Variants in ERICH3 observed in about 807,000 individuals in gnomAD.
ERICH3 encodes the protein glutamate-rich protein 3.
In ERICH3, 126 loss-of-function variants were observed where a neutral mutation model predicts 131.1. That is an observed-to-expected ratio of 0.96 (90% CI 0.83 to 1.11). The LOEUF (loss-of-function observed/expected upper bound fraction) is 1.11, where lower values mean the gene tolerates loss of function less well. Ranked by LOEUF, ERICH3 falls within the 50% of genes most tolerant of loss-of-function variation. The pLI, the probability that ERICH3 is intolerant of heterozygous loss-of-function variation, is 0.00. For missense variants in ERICH3, 2,050 were observed against 1,810.7 expected (o/e 1.13, Z -2.40); for synonymous variants, 695 against 644.6 (o/e 1.08, Z -1.18).
At chr1:74,603,779 A>C (rs1648258506) in intron 10 of ERICH3, among the ~76,000 whole-genome samples, 1 of 151,898 alleles carries the variant, frequency 6.6e-6, no homozygotes, top group African/African-American at 2.4e-5. Flanking sequence ...AACTAAAATC[A>C]CTTTATTGAT....
In ERICH3 at chr1:74,575,112, A is replaced by G. The variant is rs968236604; in HGVS notation, c.2219-1621T>C. ...CACCAACAACCTACCAGAAGCCTGA[A>G]GTCCTGATCTTACTCACTTCTTCTC... On this transcript the variant is annotated intron_variant, in intron 13 of 14. Coordinates refer to ENST00000326665, the MANE Select transcript of ERICH3 (RefSeq NM_001002912.5). Among the ~76,000 whole-genome samples, 114 of 152,132 alleles carry G rather than the reference A, an allele frequency of 7.5e-4. 2 individuals carry two copies. The highest frequency in any genetic ancestry group is 2.1e-4 in the Non-Finnish European group (14 of 68,024).
chr1:74,641,968 T>A (rs1424589592), intron 4 of ERICH3, among the ~76,000 whole-genome samples: 1 of 152,120 alleles, frequency 6.6e-6, no homozygotes, highest in East Asian at 1.9e-4. Flanking sequence ...CTTTAGTGGG[T>A]CTGGCTACCT....
At position 74,571,663 on chromosome 1, in the gene ERICH3, C is replaced by A. The variant is rs759546243; in HGVS notation, c.4047G>T (p.Thr1349=). The change falls in exon 14 of 15, where the codon ACG becomes ACT. Residue 1349 remains threonine (T), a synonymous_variant. Transcript: ENST00000326665. The part of the protein sequence containing the change: ...AVEVLHGGGE[T]AETAAEEREV... ...CCCTCTCCTCTGCGGCTGTTTCTGC[C>A]GTTTCACCACCTCCGTGTAGAACTT... The A allele has an allele frequency of 6.2e-7, 1 of 1,614,032 alleles. No homozygotes were observed. The highest frequency in any genetic ancestry group is 8.5e-7 in the Non-Finnish European group (1 of 1,180,026).
At chr1:74,647,078 T>C (rs1646492554) in intron 2 of ERICH3, among the ~76,000 whole-genome samples, 1 of 152,048 alleles carries the variant, frequency 6.6e-6, no homozygotes, top group Non-Finnish European at 1.5e-5. Flanking sequence ...TAATGAATAT[T>C]TCATGAGGCA....
chr1:74,574,096 T>C (rs1647009729), intron 13 of ERICH3, among the ~76,000 whole-genome samples: 1 of 151,384 alleles, frequency 6.6e-6, no homozygotes, highest in Non-Finnish European at 1.5e-5. Flanking sequence ...TCTCAAGCAA[T>C]CTTCCTGCCT....
chr1:74,664,883 T>C (rs1455367151), intron 1 of ERICH3, among the ~76,000 whole-genome samples: 1 of 152,210 alleles, frequency 6.6e-6, no homozygotes, highest in Non-Finnish European at 1.5e-5. Flanking sequence ...TCTTAATTAT[T>C]TCTCCCCACT....
intron 1 of ERICH3, among the ~76,000 whole-genome samples, chr1:74,667,470 C>G (rs1044377533): frequency 2.0e-5 from 3 of 152,168 alleles, no homozygotes; most frequent in African/African-American, 7.2e-5. Flanking sequence ...TTCTCTTGGT[C>G]TGTACCAAAA....
intron 7 of ERICH3, among the ~76,000 whole-genome samples, chr1:74,627,124 TGA>T (rs1459335105): frequency 6.6e-6 from 1 of 152,170 alleles, no homozygotes; most frequent in African/African-American, 2.4e-5. Flanking sequence ...GTAAAATGTG[TGA>T]CTCTCCCCAC....
rs1647066504 is a variant in ERICH3, at chr1:74,576,885, G to C, written c.2218+10C>G. ...ACTCTAATTGGACCTCTTGCAGATG[G>C]AATACTTACCACCAAGAGCCAGGAC... On this transcript the variant is annotated intron_variant, in intron 13 of 14. Transcript: ENST00000326665. 2 of 1,594,452 alleles carry C rather than the reference G, an allele frequency of 1.3e-6. No individual in the cohort carries two copies. The highest frequency in any genetic ancestry group is 2.7e-5 in the African/African-American group (2 of 73,068).
chr1:74,586,259 G>C, intron 12 of ERICH3: 1 of 375,794 alleles, frequency 2.7e-6, no homozygotes, highest in Non-Finnish European at 3.7e-6. Context: ...ACAGTGTTAA[G>C]TGAAAAAAGC....
chr1:74,653,644 C>T (rs1646557923), intron 1 of ERICH3, among the ~76,000 whole-genome samples: 1 of 152,096 alleles, frequency 6.6e-6, no homozygotes, highest in Non-Finnish European at 1.5e-5. Context: ...TGAACAATAT[C>T]TAACTATTAC....
chr1:74,577,581 G>T (rs1647089952), intron 12 of ERICH3: 1 of 152,142 alleles, frequency 6.6e-6, no homozygotes, highest in South Asian at 2.1e-4. Context: ...CAATTTAAGT[G>T]CATTTACATT....
At chr1:74,575,073 A>AC (rs1380150775) in intron 13 of ERICH3, among the ~76,000 whole-genome samples, 8 of 151,218 alleles carry the variant, frequency 5.3e-5, no homozygotes, top group African/African-American at 1.9e-4. Flanking sequence ...TAGCCATCTT[A>AC]CCCCCAACAT....
Position 74,606,695 on chromosome 1 carries a change from G to A in ERICH3, c.1395C>T (p.Leu465=). 6.2e-7 allele frequency: 1 copy of A among 1,613,190 alleles called. No homozygotes were observed. The highest frequency in any genetic ancestry group is 1.7e-4 in the Middle Eastern group (1 of 6,060). Residue 465 remains leucine (L), a synonymous_variant, in exon 10 of 15, where the codon CTC becomes CTT. Coordinates refer to ENST00000326665, the MANE Select transcript of ERICH3 (RefSeq NM_001002912.5). ...CCTCCACAGCAGTTACCACTTCTTT[G>A]AGCCCTGTTTTTATTTCTTGAGCTG... ...KFSAQEIKTG[L]KEVVTAVEEM...
chr1:74,611,996 C>A (rs779951529), intron 9 of ERICH3, among the ~76,000 whole-genome samples: 1 of 152,128 alleles, frequency 6.6e-6, no homozygotes, highest in Admixed American at 6.5e-5. Context: ...TCTAGCTTGG[C>A]ATCTAGCCAA....
Position 74,641,459 on chromosome 1 carries a change from C to T in ERICH3, c.316G>A (p.Gly106Arg), listed in dbSNP as rs868787285. Reference sequence around the variant, plus strand: ...TCAACAGACCTTCTTGTGTGCTCTCCCTAGAATAAGAAAGCAATTTAGCAA... The same window carrying T: ...TCAACAGACCTTCTTGTGTGCTCTCTCTAGAATAAGAAAGCAATTTAGCAA... ...ARKERIQRFK[G>R]EHTRRSVENN... is the part of the protein sequence containing the mutation. The change falls in exon 5 of 15, where the codon GGA becomes AGA. Residue 106 changes from glycine to arginine, a missense_variant and splice_region_variant. By Grantham distance (125) the Gly-to-Arg change is moderately radical. Coordinates refer to ENST00000326665, the MANE Select transcript of ERICH3 (RefSeq NM_001002912.5). 1 of 1,609,472 alleles carries T rather than the reference C, an allele frequency of 6.2e-7. No homozygotes were observed. Among genetic ancestry groups the T allele is most frequent in the Admixed American group, 1.7e-5 (1 of 58,980 alleles).
chr1:74,621,062 A>G, intron 7 of ERICH3, 148 bp from the exon 8 acceptor site: 1 of 655,488 alleles, frequency 1.5e-6, no homozygotes, highest in Non-Finnish European at 2.4e-6. Flanking sequence ...AAATGCACAA[A>G]AAGTCAAACT....
chr1:74,633,892 AT>A (rs1282128004), intron 6 of ERICH3, among the ~76,000 whole-genome samples: 1 of 152,052 alleles, frequency 6.6e-6, no homozygotes, highest in Non-Finnish European at 1.5e-5. Flanking sequence ...AGAAACTCTC[AT>A]TCTAACATCA....
At chr1:74,648,785 A>G (rs1646506404) in intron 2 of ERICH3, among the ~76,000 whole-genome samples, 1 of 152,142 alleles carries the variant, frequency 6.6e-6, no homozygotes, top group Non-Finnish European at 1.5e-5. Flanking sequence ...CACAGGAAGT[A>G]ATTGTTTTTA....
Sources: allele counts gnomAD v4.1 joint callset (sites outside exome capture counted in the v4.1 genomes callset), GRCh38; gene constraint gnomAD v4.1.1; transcripts MANE v1.5; gene names NCBI Gene and HGNC (gene_info 2026-07-23, HGNC 2026-07-21).